The following MTMR7 variants were observed in gnomAD, a reference collection of about 807,000 sequenced individuals.
The protein encoded by MTMR7 is myotubularin related protein 7.
In MTMR7, 76 loss-of-function variants were observed where a neutral mutation model predicts 81.2. The observed-to-expected ratio is 0.94, with a 90% CI of 0.78 to 1.13. The LOEUF (loss-of-function observed/expected upper bound fraction) is 1.13, where lower values mean the gene tolerates loss of function less well. MTMR7 is among the 50% of genes most tolerant of loss of function. The pLI is 0.00. For missense variants in MTMR7, 1,044 were observed against 820.0 expected (o/e 1.27, Z -3.34); for synonymous variants, 372 against 289.8 (o/e 1.28, Z -2.88).
rs1585133369 is a variant in MTMR7 at position 17,413,190 on chromosome 8, C to A, written c.24+79G>T. On this transcript the variant is annotated intron_variant, in intron 1 of 13. Coordinates refer to ENST00000180173, the MANE Select transcript of MTMR7 (RefSeq NM_004686.5). ...CGCCGGTGCCCCTCAAAGCAGTCGG[C>A]CTCCCGCGCGCTCAGCATCCCTCCT... The A allele has an allele frequency of 3.4e-6, 5 of 1,486,680 alleles. No individual in the cohort carries two copies. In the East Asian group the frequency reaches 1.0e-4, roughly 30 times the overall value. 92.1% of individuals were successfully genotyped at this position (1,486,680 alleles called of 1,614,324 possible).
At chr8:17,319,557 AAATAAT>A (rs1037003370) in intron 7 of MTMR7, among the ~76,000 whole-genome samples, 4 of 152,246 alleles carry the variant, frequency 2.6e-5, no homozygotes, top group African/African-American at 2.4e-5. Flanking sequence ...GTTTTACCAG[AAATAAT>A]AATAATAATA....
At chr8:17,383,072 C>T (rs1166462865) in intron 1 of MTMR7, among the ~76,000 whole-genome samples, 1 of 151,724 alleles carries the variant, frequency 6.6e-6, no homozygotes, top group Non-Finnish European at 1.5e-5. Context: ...AGATAAGACA[C>T]ATCCACCACC....
chr8:17,393,769 G>A (rs957689412), intron 1 of MTMR7, among the ~76,000 whole-genome samples: 5 of 152,156 alleles, frequency 3.3e-5, no homozygotes, highest in African/African-American at 9.7e-5. Flanking sequence ...CCTAGATGAC[G>A]AGATGATCTG....
chr8:17,309,852 A>C (rs761455822), intron 9 of MTMR7, among the ~76,000 whole-genome samples: 1 of 152,218 alleles, frequency 6.6e-6, no homozygotes, highest in East Asian at 1.9e-4. Context: ...TCTACACATT[A>C]TAAGAATTCT....
intron 3 of MTMR7, among the ~76,000 whole-genome samples, chr8:17,368,929 CTT>C (rs907862552): frequency 4.6e-5 from 7 of 152,300 alleles, no homozygotes; most frequent in African/African-American, 1.7e-4. Context: ...AAAAGTATCT[CTT>C]TTCGAAAATG....
At chr8:17,403,021 A>G (rs1026323432) in intron 1 of MTMR7, among the ~76,000 whole-genome samples, 3 of 152,136 alleles carry the variant, frequency 2.0e-5, no homozygotes, top group Non-Finnish European at 2.9e-5. Context: ...CTTTTCATAT[A>G]CCTGCCTGCC....
intron 4 of MTMR7, among the ~76,000 whole-genome samples, chr8:17,356,125 CCCT>C (rs1422532801): frequency 6.6e-6 from 1 of 152,114 alleles, no homozygotes; most frequent in Admixed American, 6.5e-5. Flanking sequence ...TTATTATTCT[CCCT>C]CCTTTGTTAA....
At chr8:17,328,926 T>G (rs953486506) in intron 7 of MTMR7, among the ~76,000 whole-genome samples, 1 of 152,218 alleles carries the variant, frequency 6.6e-6, no homozygotes, top group African/African-American at 2.4e-5. Context: ...AAGTTAAAAT[T>G]AGATCATCTC....
rs1817791322 is a variant in MTMR7 at position 17,311,718 on chromosome 8, T to C, written c.976-82A>G. The C allele has an allele frequency of 2.6e-5, 42 of 1,587,136 alleles. No homozygotes were observed. The South Asian group carries it at 4.5e-4, about 17-fold the overall frequency. On this transcript the variant is annotated intron_variant, in intron 8 of 13. Coordinates refer to ENST00000180173, the MANE Select transcript of MTMR7 (RefSeq NM_004686.5). ...CTCTCATCACAGCCAGGTTTGACTG[T>C]ATATTTACAGAAAGAAACAGCCAAA...
chr8:17,341,730 G>C (rs1421911038), intron 5 of MTMR7, among the ~76,000 whole-genome samples: 3 of 152,144 alleles, frequency 2.0e-5, no homozygotes, highest in African/African-American at 7.2e-5. Context: ...GGAATGTGTA[G>C]AGATGTTTAG....
At chr8:17,321,533 C>T (rs13272710) in intron 7 of MTMR7, among the ~76,000 whole-genome samples, 1 of 152,200 alleles carries the variant, frequency 6.6e-6, no homozygotes. Context: ...AAGAGGTCTG[C>T]AGATGATTAA....
At chr8:17,363,118 C>T (rs960561426) in intron 3 of MTMR7, among the ~76,000 whole-genome samples, 1 of 152,224 alleles carries the variant, frequency 6.6e-6, no homozygotes, top group African/African-American at 2.4e-5. Flanking sequence ...CAGACGCGTT[C>T]CGTAAAATCA....
At chr8:17,370,852 G>A (rs763420408) in intron 3 of MTMR7, among the ~76,000 whole-genome samples, 185 bp downstream of exon 3, 6 of 151,792 alleles carry the variant, frequency 4.0e-5, no homozygotes, top group Non-Finnish European at 8.8e-5. Context: ...AATAACTCGG[G>A]GGAGACTCTA....
At position 17,302,710 on chromosome 8, in the gene MTMR7, C is replaced by G. The variant is rs1020009478; in HGVS notation, c.1494-430G>C. Among the ~76,000 whole-genome samples, 21 of 64,388 alleles carry G rather than the reference C, an allele frequency of 3.3e-4. 5 individuals are homozygous for G. Among genetic ancestry groups the G allele is most frequent in the Admixed American group, 2.4e-3 (21 of 8,580 alleles). 42.2% of individuals were successfully genotyped at this position (64,388 alleles called of 152,430 possible). A position where few individuals can be genotyped will look rare whatever the true frequency, so the allele number is the denominator to read the frequency against. ...ACATTTGCATTGGCAATAACCCCCC[C>G]CCCCCCGCTTTTTTTTTTAATGGCA... On this transcript the variant is annotated intron_variant, in intron 12 of 13. Coordinates refer to ENST00000180173, the MANE Select transcript of MTMR7 (RefSeq NM_004686.5).
In MTMR7 at chr8:17,319,677, T is replaced by C. The variant is rs76693786; in HGVS notation, c.866-6276A>G. 9.7e-3 allele frequency among the ~76,000 whole-genome samples: 1,481 copies of C among 152,330 alleles called. 22 individuals are homozygous for C. The highest frequency in any genetic ancestry group is 0.037 in the East Asian group (194 of 5,178). On this transcript the variant is annotated intron_variant, in intron 7 of 13. Coordinates refer to ENST00000180173, the MANE Select transcript of MTMR7 (RefSeq NM_004686.5). ...CTGAGGAAGGCACTTATTATTCTCA[T>C]TCTTGATTGTGGAAACCAATGCAAA... is the stretch of plus-strand genomic sequence containing the variant.
intron 10 of MTMR7, among the ~76,000 whole-genome samples, chr8:17,308,368 TTTAA>T (rs1563319389): frequency 2.0e-5 from 3 of 152,186 alleles, no homozygotes; most frequent in Admixed American, 1.3e-4. Flanking sequence ...AATTGGGGGC[TTTAA>T]TTTTCTCATT....
At chr8:17,373,078 C>A (rs1168948292) in intron 2 of MTMR7, 40 bp downstream of exon 2, 1 of 1,605,840 alleles carries the variant, frequency 6.2e-7, no homozygotes, top group African/African-American at 1.3e-5. Context: ...TTGCTTCAAA[C>A]AACGCAAAAC....
Position 17,348,669 on chromosome 8 carries a change from G to T in MTMR7, c.597+284C>A, listed in dbSNP as rs369645287. Among the ~76,000 whole-genome samples, 24 of 152,086 alleles carry T rather than the reference G, an allele frequency of 1.6e-4. No individual in the cohort carries two copies. The East Asian group carries it at 4.3e-3, about 27-fold the overall frequency. ...GAATAAGCAAAGAGATTCCCAAGGT[G>T]CCCACTTAGGACAGTATTCACTTGC... On this transcript the variant is annotated intron_variant, in intron 5 of 13. Transcript: ENST00000180173.
rs751193282 is a variant in MTMR7, at chr8:17,341,484, C to T, written c.611G>A (p.Arg204Gln). 9.3e-6 allele frequency: 15 copies of T among 1,613,678 alleles called. No individual in the cohort carries two copies. The highest frequency in any genetic ancestry group is 1.1e-5 in the Non-Finnish European group (13 of 1,180,014). ...YYKDNHASIC[R>Q]SSQPLSGFSA... Reference sequence around the variant, plus strand: ...GAAGCCGGACAGGGGCTGGCTGCTCCGGCAGATGGAGGCCTAGGGGGAGAG... The same window carrying T: ...GAAGCCGGACAGGGGCTGGCTGCTCTGGCAGATGGAGGCCTAGGGGGAGAG... The change falls in exon 6 of 14, where the codon CGG (arginine) becomes CAG (glutamine). Residue 204 changes from arginine to glutamine, a missense_variant. Coordinates refer to ENST00000180173, the MANE Select transcript of MTMR7 (RefSeq NM_004686.5).
Sources: gnomAD v4.1 joint callset for allele counts (sites outside exome capture counted in the v4.1 genomes callset) on GRCh38, gnomAD v4.1.1 for gene constraint, MANE v1.5 for transcripts, NCBI Gene and HGNC (gene_info 2026-07-23, HGNC 2026-07-21) for gene names.